Variants in CHRM3 observed in about 807,000 individuals in gnomAD.
The protein encoded by CHRM3 is cholinergic receptor muscarinic 3.
Under a neutral mutation model 41.8 loss-of-function variants are expected in CHRM3, and 11 were observed. The observed-to-expected ratio is 0.26, with a 90% CI of 0.17 to 0.44. CHRM3 has a LOEUF of 0.44. Ranked by LOEUF, CHRM3 falls within the 20% of genes least tolerant of loss-of-function variation. The probability of loss-of-function intolerance (pLI) is 1.00; values close to 1 mark genes in which losing one functional copy is unlikely to be tolerated. For missense variants in CHRM3, 571 were observed against 745.4 expected, an observed-to-expected ratio of 0.77 and a Z score of 2.72; for synonymous variants, 297 against 301.4, an observed-to-expected ratio of 0.99 and a Z score of 0.15.
intron 5 of CHRM3, among the ~76,000 whole-genome samples, chr1:239,817,832 A>C (rs1558149587): frequency 6.6e-6 from 1 of 152,026 alleles, no homozygotes; most frequent in Non-Finnish European, 1.5e-5. Flanking sequence ...TCACCCTCTC[A>C]GCCCACCCCT....
intron 3 of CHRM3, among the ~76,000 whole-genome samples, chr1:239,604,945 TTTTA>T (rs1666056398): frequency 6.6e-6 from 1 of 152,334 alleles, no homozygotes; most frequent in South Asian, 2.1e-4. Context: ...TTTGTTTTAT[TTTTA>T]TTTATTATTA....
intron 5 of CHRM3, among the ~76,000 whole-genome samples, chr1:239,811,583 A>T (rs1460310453): frequency 2.6e-5 from 4 of 152,198 alleles, no homozygotes; most frequent in African/African-American, 9.7e-5. Flanking sequence ...TTCCTAGTAC[A>T]ATTCACCAGA....
At chr1:239,447,668 C>G (rs539089896) in intron 1 of CHRM3, among the ~76,000 whole-genome samples, 8 of 152,264 alleles carry the variant, frequency 5.3e-5, no homozygotes, top group African/African-American at 1.9e-4. Flanking sequence ...CCCAGCTACT[C>G]TGGAATCTGA....
At chr1:239,405,408 G>T (rs1245126250) in intron 1 of CHRM3, among the ~76,000 whole-genome samples, 1 of 152,064 alleles carries the variant, frequency 6.6e-6, no homozygotes, top group Non-Finnish European at 1.5e-5. Flanking sequence ...GCCTTTGTGG[G>T]TTTACGTCTT....
intron 5 of CHRM3, among the ~76,000 whole-genome samples, chr1:239,709,430 T>A (rs1162924445): frequency 6.6e-6 from 1 of 152,178 alleles, no homozygotes; most frequent in South Asian, 2.1e-4. Flanking sequence ...TTTTTTTCCG[T>A]AAAGCAGCCA....
intron 5 of CHRM3, among the ~76,000 whole-genome samples, chr1:239,766,753 C>T (rs1333340791): frequency 2.0e-5 from 3 of 150,794 alleles, no homozygotes; most frequent in Non-Finnish European, 4.4e-5. Context: ...GCTCTGTCAC[C>T]CAGGCTGGAG....
intron 6 of CHRM3, among the ~76,000 whole-genome samples, chr1:239,831,429 AC>A (rs1397163617): frequency 6.6e-6 from 1 of 152,150 alleles, no homozygotes; most frequent in Non-Finnish European, 1.5e-5. Context: ...TTAAGGCAAC[AC>A]AGTGTCACAA....
intron 2 of CHRM3, among the ~76,000 whole-genome samples, chr1:239,533,341 G>T (rs1001855835): frequency 1.6e-4 from 25 of 151,852 alleles, no homozygotes; most frequent in African/African-American, 5.8e-4. Context: ...CACATGGCTG[G>T]GGAGGCCTCA....
intron 3 of CHRM3, among the ~76,000 whole-genome samples, chr1:239,614,305 T>C (rs898933232): frequency 6.6e-6 from 1 of 152,312 alleles, no homozygotes; most frequent in African/African-American, 2.4e-5. Context: ...AGTTAGTGAT[T>C]AGTTACGTTT....
intron 1 of CHRM3, among the ~76,000 whole-genome samples, chr1:239,492,400 A>G (rs554926641): frequency 3.7e-4 from 56 of 152,324 alleles, no homozygotes; most frequent in African/African-American, 1.2e-3. Flanking sequence ...CATTGCTCGC[A>G]GAGAGCCTTC....
chr1:239,561,386 T>C (rs1243444442), intron 3 of CHRM3, among the ~76,000 whole-genome samples: 1 of 152,156 alleles, frequency 6.6e-6, no homozygotes, highest in Non-Finnish European at 1.5e-5. Flanking sequence ...ACTACATATG[T>C]AATCTACCAG....
At chr1:239,474,143 T>C (rs1225231400) in intron 1 of CHRM3, among the ~76,000 whole-genome samples, 1 of 152,048 alleles carries the variant, frequency 6.6e-6, no homozygotes, top group African/African-American at 2.4e-5. Context: ...ATAAAGATAT[T>C]CAATCTTGTT....
intron 5 of CHRM3, among the ~76,000 whole-genome samples, chr1:239,696,547 C>T (rs1660209891): frequency 6.6e-6 from 1 of 151,976 alleles, no homozygotes; most frequent in African/African-American, 2.4e-5. Flanking sequence ...CTTCCCAGGG[C>T]CAAAGTACAG....
At chr1:239,459,143 A>G (rs902560426) in intron 1 of CHRM3, among the ~76,000 whole-genome samples, 2 of 152,158 alleles carry the variant, frequency 1.3e-5, no homozygotes, top group Admixed American at 1.3e-4. Flanking sequence ...ACCAGTGGCT[A>G]GAAAGATATT....
intron 3 of CHRM3, among the ~76,000 whole-genome samples, chr1:239,619,984 A>T (rs1327572825): frequency 2.0e-5 from 3 of 152,206 alleles, no homozygotes; most frequent in Admixed American, 6.5e-5. Context: ...ATAGTATTTT[A>T]AAGATATTAT....
At chr1:239,742,473 T>C (rs1664945522) in intron 5 of CHRM3, among the ~76,000 whole-genome samples, 1 of 152,102 alleles carries the variant, frequency 6.6e-6, no homozygotes, top group African/African-American at 2.4e-5. Flanking sequence ...CTCCTCTATA[T>C]GGCCAATCCA....
intron 5 of CHRM3, among the ~76,000 whole-genome samples, chr1:239,823,059 A>G (rs1672179140): frequency 6.6e-6 from 1 of 152,206 alleles, no homozygotes; most frequent in South Asian, 2.1e-4. Context: ...AAATTTTACA[A>G]ACCAATGGTA....
chr1:239,803,722 G>T (rs1010619479), intron 5 of CHRM3, among the ~76,000 whole-genome samples: 1 of 152,164 alleles, frequency 6.6e-6, no homozygotes, highest in Non-Finnish European at 1.5e-5. Context: ...AGTGTGGAAG[G>T]CAGGGGGTAG....
At chr1:239,477,533 T>C (rs1302068732) in intron 1 of CHRM3, among the ~76,000 whole-genome samples, 2 of 152,134 alleles carry the variant, frequency 1.3e-5, no homozygotes, top group Admixed American at 1.3e-4. Flanking sequence ...AATCTGACAT[T>C]GAAGGGGTAA....
Sources: allele counts gnomAD v4.1 joint callset (sites outside exome capture counted in the v4.1 genomes callset), GRCh38; gene constraint gnomAD v4.1.1; transcripts MANE v1.5; gene names NCBI Gene and HGNC (gene_info 2026-07-23, HGNC 2026-07-21).